PPARGC1A: variants seen among roughly 807,000 people sequenced by gnomAD.
PPARGC1A encodes the protein PPARG coactivator 1 alpha.
PPARGC1A carries 25 observed loss-of-function variants against 88.7 expected under a neutral mutation model. The ratio of observed to expected loss-of-function variants is 0.28; its 90% CI spans 0.21 to 0.39. The LOEUF (loss-of-function observed/expected upper bound fraction) is 0.39, where lower values mean the gene tolerates loss of function less well. Among genes scored for constraint, PPARGC1A ranks in the 10% least tolerant of loss-of-function variants. The probability of loss-of-function intolerance (pLI) is 1.00; values close to 1 mark genes in which losing one functional copy is unlikely to be tolerated. For synonymous variants in PPARGC1A, 363 were observed against 355.6 expected (o/e 1.02, Z -0.24); for missense variants, 880 against 968.7 (o/e 0.91, Z 1.22).
the PPARGC1A span, among the ~76,000 whole-genome samples, chr4:23,919,398 C>A: frequency 1.3e-5 from 2 of 152,060 alleles, no homozygotes; most frequent in East Asian, 3.9e-4. Context: ...GTTTCCCCAT[C>A]TCTAAAATAT....
At chr4:23,959,808 T>C in the PPARGC1A span, among the ~76,000 whole-genome samples, 1 of 152,194 alleles carries the variant, frequency 6.6e-6, no homozygotes, top group African/African-American at 2.4e-5. Flanking sequence ...GGGAAGGTAA[T>C]GGTGGCAGAA....
At chr4:24,008,704 T>TAA in the PPARGC1A span, among the ~76,000 whole-genome samples, 4 of 150,472 alleles carry the variant, frequency 2.7e-5, no homozygotes, top group Middle Eastern at 3.4e-3. Flanking sequence ...GCTTTTGATA[T>TAA]AAAAAAAAAA....
the PPARGC1A span, among the ~76,000 whole-genome samples, chr4:24,002,008 C>A: frequency 6.6e-6 from 1 of 151,268 alleles, no homozygotes; most frequent in Non-Finnish European, 1.5e-5. Context: ...AACATCCTGG[C>A]CGTCAGGAAG....
the PPARGC1A span, among the ~76,000 whole-genome samples, chr4:23,999,710 GC>G: frequency 1.3e-5 from 2 of 152,178 alleles, no homozygotes; most frequent in African/African-American, 2.4e-5. Context: ...GATATCCTAA[GC>G]TTATTGAACG....
At chr4:24,086,999 G>A in the PPARGC1A span, among the ~76,000 whole-genome samples, 4 of 152,170 alleles carry the variant, frequency 2.6e-5, no homozygotes, top group Non-Finnish European at 4.4e-5. Flanking sequence ...AGATCAACAC[G>A]TTCTTGACCC....
At chr4:24,037,099 C>T in the PPARGC1A span, among the ~76,000 whole-genome samples, 3 of 152,328 alleles carry the variant, frequency 2.0e-5, no homozygotes, top group East Asian at 5.8e-4. Flanking sequence ...GCAGTTCCAG[C>T]CACCTCTCTG....
chr4:24,365,115 C>T, the PPARGC1A span, among the ~76,000 whole-genome samples: 32 of 149,252 alleles, frequency 2.1e-4, no homozygotes, highest in Non-Finnish European at 3.8e-4. Context: ...GTACTCTCTG[C>T]AGATCCTACC....
the PPARGC1A span, among the ~76,000 whole-genome samples, chr4:24,277,815 A>G: frequency 6.6e-6 from 1 of 152,080 alleles, no homozygotes; most frequent in Non-Finnish European, 1.5e-5. Flanking sequence ...TCCTGTCACT[A>G]ATGGGCTATG....
At chr4:24,098,740 T>A in the PPARGC1A span, among the ~76,000 whole-genome samples, 1 of 152,176 alleles carries the variant, frequency 6.6e-6, no homozygotes, top group Non-Finnish European at 1.5e-5. Context: ...ACCAACTGAC[T>A]GTGATCAGAA....
At chr4:24,378,948 C>T in the PPARGC1A span, among the ~76,000 whole-genome samples, 4 of 152,012 alleles carry the variant, frequency 2.6e-5, no homozygotes, top group Non-Finnish European at 4.4e-5. Flanking sequence ...TTTATTATAC[C>T]AGGCAGTCCT....
At chr4:24,378,294 G>A in the PPARGC1A span, among the ~76,000 whole-genome samples, 1 of 152,132 alleles carries the variant, frequency 6.6e-6, no homozygotes, top group African/African-American at 2.4e-5. Context: ...CAGAGATCAT[G>A]CCACTGCACT....
the PPARGC1A span, among the ~76,000 whole-genome samples, chr4:24,201,536 T>C: frequency 3.9e-5 from 6 of 152,250 alleles, no homozygotes; most frequent in African/African-American, 1.2e-4. Context: ...TCAAATAAGA[T>C]TGTGGCTCAA....
the PPARGC1A span, among the ~76,000 whole-genome samples, chr4:24,072,882 T>G: frequency 2.6e-5 from 4 of 151,722 alleles, no homozygotes; most frequent in African/African-American, 9.7e-5. Context: ...TCCTTTAGTT[T>G]TATAGATTTT....
chr4:24,015,312 C>T, the PPARGC1A span, among the ~76,000 whole-genome samples: 1 of 152,046 alleles, frequency 6.6e-6, no homozygotes, highest in African/African-American at 2.4e-5. Flanking sequence ...CTTTCATAAA[C>T]GAGGTCTCTA....
chr4:24,049,661 G>A, the PPARGC1A span, among the ~76,000 whole-genome samples: 1 of 151,950 alleles, frequency 6.6e-6, no homozygotes, highest in Non-Finnish European at 1.5e-5. Context: ...CTTTAACTTT[G>A]CTCCTTGCCT....
chr4:23,828,639 T>G (rs1334109268), intron 4 of PPARGC1A, 35 bp from the exon 5 acceptor site: 1 of 1,590,292 alleles, frequency 6.3e-7, no homozygotes, highest in African/African-American at 1.3e-5. Flanking sequence ...CTAAAATTAG[T>G]GAACTGAACC....
At chr4:23,903,789 C>A (rs1260160230), upstream of PPARGC1A, among the ~76,000 whole-genome samples, 2 of 152,158 alleles carry the variant, frequency 1.3e-5, no homozygotes, top group Admixed American at 1.3e-4. Flanking sequence ...ATCCTCCACA[C>A]TGACAAACGA....
chr4:23,865,174 G>A (rs181085253), intron 2 of PPARGC1A, among the ~76,000 whole-genome samples: 3 of 152,140 alleles, frequency 2.0e-5, no homozygotes, highest in Non-Finnish European at 2.9e-5. Context: ...AACAGAGTGA[G>A]ACTGCCTCCA....
the PPARGC1A span, among the ~76,000 whole-genome samples, chr4:23,918,218 C>CT: frequency 0.24 from 36,102 of 149,960 alleles, 5,104 homozygotes; most frequent in African/African-American, 0.38. Flanking sequence ...AATTTAAATT[C>CT]TTTTTTTTTT....
Sources: gnomAD v4.1 joint callset for allele counts (sites outside exome capture counted in the v4.1 genomes callset) on GRCh38, gnomAD v4.1.1 for gene constraint, MANE v1.5 for transcripts, NCBI Gene and HGNC (gene_info 2026-07-23, HGNC 2026-07-21) for gene names.